The following TXNDC11 variants were observed in gnomAD, a reference collection of about 807,000 sequenced individuals.
TXNDC11 encodes thioredoxin domain-containing protein 11.
A neutral mutation model predicts 78.0 loss-of-function variants in TXNDC11; 68 were observed. The observed-to-expected ratio is 0.87, with a 90% CI of 0.72 to 1.07. The LOEUF is 1.07. TXNDC11 is among the 50% of genes least tolerant of loss of function. TXNDC11 has a pLI of 0.00. For synonymous variants in TXNDC11, 571 were observed against 495.2 expected (o/e 1.15, Z -2.03); for missense variants, 1,389 against 1,221.8 (o/e 1.14, Z -2.04).
chr16:11,681,828 C>A (rs1039744273), intron 11 of TXNDC11, among the ~76,000 whole-genome samples: 5 of 152,258 alleles, frequency 3.3e-5, no homozygotes, highest in Admixed American at 2.6e-4. Context: ...CTCAAGGCCC[C>A]ACCCCTTCCT....
At chr16:11,700,894 A>G (rs534451374) in intron 5 of TXNDC11, among the ~76,000 whole-genome samples, 43 of 152,190 alleles carry the variant, frequency 2.8e-4, no homozygotes, top group African/African-American at 1.0e-3. Context: ...TTGTCTGGAC[A>G]CTTCTTGTGG....
chr16:11,710,036 G>A (rs1231507822), intron 5 of TXNDC11, among the ~76,000 whole-genome samples: 7 of 152,072 alleles, frequency 4.6e-5, no homozygotes, highest in Non-Finnish European at 2.9e-5. Flanking sequence ...CCAGCTACTC[G>A]GGAGGCTGAG....
Position 11,742,768 on chromosome 16 carries a change from C to A in TXNDC11, c.-38G>T, listed in dbSNP as rs575606033. 23 of 1,420,808 alleles carry A rather than the reference C, an allele frequency of 1.6e-5. No individual in the cohort carries two copies. The East Asian group carries it at 5.3e-4, about 33-fold the overall frequency. 88.0% of individuals were successfully genotyped at this position (1,420,808 alleles called of 1,614,324 possible). A position where few individuals can be genotyped will look rare whatever the true frequency, so the allele number is the denominator to read the frequency against. ...GTCGCCGGCTTTATACCGCCGCCGCCGCCTCGGGCCCGAAGGCCCGGCCCG... is the reference window on the plus strand; with the variant it reads ...GTCGCCGGCTTTATACCGCCGCCGCAGCCTCGGGCCCGAAGGCCCGGCCCG... On this transcript the variant is annotated 5_prime_UTR_variant, in exon 1 of 12. Coordinates refer to ENST00000283033, the MANE Select transcript of TXNDC11 (RefSeq NM_015914.7).
At chr16:11,682,656 T>C (rs970315827) in intron 11 of TXNDC11, among the ~76,000 whole-genome samples, 3 of 152,228 alleles carry the variant, frequency 2.0e-5, no homozygotes, top group Admixed American at 6.5e-5. Flanking sequence ...TTATACGTCA[T>C]TAAACTACAT....
chr16:11,718,584 A>C (rs2051613222), intron 5 of TXNDC11, among the ~76,000 whole-genome samples: 1 of 152,204 alleles, frequency 6.6e-6, no homozygotes. Context: ...GGGTAGAAGA[A>C]AGGGAGAAAA....
intron 3 of TXNDC11, among the ~76,000 whole-genome samples, chr16:11,731,687 TCACACACACACACACA>T (rs34570874): frequency 0.029 from 4,111 of 143,856 alleles, 200 homozygotes; most frequent in African/African-American, 0.098. Context: ...TTACAGAAAT[TCACACACACACACACA>T]CACACACACA....
chr16:11,683,923 G>A (rs2050498645), intron 11 of TXNDC11, among the ~76,000 whole-genome samples: 1 of 151,898 alleles, frequency 6.6e-6, no homozygotes, highest in Admixed American at 6.6e-5. Context: ...GCTAATTTTT[G>A]TATTTTTTGT....
chr16:11,736,178 T>A lies in TXNDC11; in HGVS notation c.310A>T (p.Arg104Trp). The A allele has an allele frequency of 6.2e-7, 1 of 1,614,138 alleles. No homozygotes were observed. The highest frequency in any genetic ancestry group is 8.5e-7 in the Non-Finnish European group (1 of 1,179,984). ...AKPPVSFFSL[R>W]SPVLDLFQGQ... is the part of the protein sequence containing the mutation. ...TGGAAGAGGTCAAGGACTGGAGACC[T>A]CAAGGAGAAAAAGCTGACAGGTGGC... Residue 104 changes from arginine (R) to tryptophan (W), a missense_variant, in exon 2 of 12, where the codon AGG becomes TGG. By Grantham distance (101) the Arg-to-Trp change is moderately radical (BLOSUM62 -3). Coordinates refer to ENST00000283033, the MANE Select transcript of TXNDC11 (RefSeq NM_015914.7).
chr16:11,693,815 G>C (rs1464082818), intron 7 of TXNDC11, among the ~76,000 whole-genome samples: 2 of 152,110 alleles, frequency 1.3e-5, no homozygotes, highest in Non-Finnish European at 2.9e-5. Flanking sequence ...TATAATCCGT[G>C]AAGAGCCCAG....
intron 10 of TXNDC11, among the ~76,000 whole-genome samples, chr16:11,687,321 T>G (rs548145608): frequency 4.6e-5 from 7 of 152,218 alleles, no homozygotes; most frequent in Admixed American, 1.3e-4. Flanking sequence ...CACCCAAAAC[T>G]GCTTACTACC....
chr16:11,687,688 C>G (rs2050601545), intron 10 of TXNDC11, among the ~76,000 whole-genome samples, 169 bp downstream of exon 10: 1 of 152,236 alleles, frequency 6.6e-6, no homozygotes, highest in Admixed American at 6.5e-5. Flanking sequence ...AGGAAAAGTT[C>G]AGTTTCAAAG....
intron 4 of TXNDC11, among the ~76,000 whole-genome samples, chr16:11,729,010 A>T (rs985799380): frequency 6.6e-6 from 1 of 152,080 alleles, no homozygotes; most frequent in Non-Finnish European, 1.5e-5. Context: ...AAATCAATCA[A>T]TCAATCAATC....
At position 11,737,147 on chromosome 16, in the gene TXNDC11, C is replaced by T. The variant is rs553923140; in HGVS notation, c.255-914G>A. Among the ~76,000 whole-genome samples the T allele has an allele frequency of 2.6e-5, 4 of 152,164 alleles. No homozygotes were observed. In the South Asian group the frequency reaches 8.3e-4, roughly 32 times the overall value. On this transcript the variant is annotated intron_variant, in intron 1 of 11. Coordinates refer to ENST00000283033, the MANE Select transcript of TXNDC11 (RefSeq NM_015914.7). The stretch of plus-strand genomic sequence containing the variant: ...AAACCTAAAACGCGATGAGATTAAC[C>T]CCAAAGAAAGTAAAGGAGACCAGGC...
At chr16:11,740,165 C>T (rs2052350664) in intron 1 of TXNDC11, among the ~76,000 whole-genome samples, 1 of 151,338 alleles carries the variant, frequency 6.6e-6, no homozygotes, top group Non-Finnish European at 1.5e-5. Flanking sequence ...AAAAAAAAAT[C>T]CTATTCTCCC....
chr16:11,707,009 T>G (rs960248501), intron 5 of TXNDC11, among the ~76,000 whole-genome samples: 9 of 152,296 alleles, frequency 5.9e-5, no homozygotes, highest in South Asian at 2.1e-4. Flanking sequence ...GGGCCAACTG[T>G]GGGACTTGAG....
At chr16:11,703,138 G>A (rs917395473) in intron 5 of TXNDC11, among the ~76,000 whole-genome samples, 1 of 152,112 alleles carries the variant, frequency 6.6e-6, no homozygotes, top group African/African-American at 2.4e-5. Flanking sequence ...CAAACCCAAC[G>A]TGGAATACAG....
At position 11,742,581 on chromosome 16, in the gene TXNDC11, G is replaced by A; in HGVS notation, c.150C>T (p.Arg50=). The A allele has an allele frequency of 6.9e-7, 1 of 1,458,114 alleles. No individual in the cohort carries two copies. The highest frequency in any genetic ancestry group is 9.0e-7 in the Non-Finnish European group (1 of 1,111,244). 90.3% of individuals were successfully genotyped at this position (1,458,114 alleles called of 1,614,324 possible). A position where few individuals can be genotyped will look rare whatever the true frequency, so the allele number is the denominator to read the frequency against. ...CCATGAGGAAGGCGCCACGCAGCCC[G>A]CGACGGAGCCGGCCCGCCGAGGACG... is the stretch of plus-strand genomic sequence containing the variant. ...ATASSAGRLR[R]GLRGAFLMAR... Residue 50 remains arginine (R), a synonymous_variant, in exon 1 of 12, where the codon CGC becomes CGT. Transcript: ENST00000283033.
At position 11,734,088 on chromosome 16, in the gene TXNDC11, C is replaced by G. The variant is rs989666086; in HGVS notation, c.472-9G>C. On this transcript the variant is annotated splice_polypyrimidine_tract_variant and intron_variant, in intron 2 of 11. Coordinates refer to ENST00000283033, the MANE Select transcript of TXNDC11 (RefSeq NM_015914.7). ...ATTGCCACAAACAACACCTGCAGAG[C>G]CAAAAAAGGTTTTCAAATGACTATG... is the stretch of plus-strand genomic sequence containing the variant. 5.7e-6 allele frequency: 9 copies of G among 1,570,740 alleles called. No homozygotes were observed. The highest frequency in any genetic ancestry group is 6.9e-6 in the Non-Finnish European group (8 of 1,162,262).
rs191828588 is a variant in TXNDC11 at position 11,708,397 on chromosome 16, C to A, written c.794-7833G>T. On this transcript the variant is annotated intron_variant, in intron 5 of 11. Transcript: ENST00000283033. ...TGGGGCTCTAGACCTATGACTCTAG[C>A]CTGAGCTTCTGAAATTAATTCTCTC... Among the ~76,000 whole-genome samples the A allele has an allele frequency of 7.9e-5, 12 of 152,260 alleles. No homozygotes were observed. The East Asian group carries it at 2.3e-3, about 29-fold the overall frequency.
Sources: allele counts gnomAD v4.1 joint callset (sites outside exome capture counted in the v4.1 genomes callset), GRCh38; gene constraint gnomAD v4.1.1; transcripts MANE v1.5; gene names NCBI Gene and HGNC (gene_info 2026-07-23, HGNC 2026-07-21).